The following PLCB2 variants were observed in gnomAD, a reference collection of about 807,000 sequenced individuals.
PLCB2 encodes the protein 1-phosphatidylinositol 4,5-bisphosphate phosphodiesterase beta-2.
In PLCB2, 115 loss-of-function variants were observed where a neutral mutation model predicts 141.7. The observed-to-expected ratio is 0.81, with a 90% CI of 0.70 to 0.95. PLCB2 has a LOEUF of 0.95. Ranked by LOEUF, PLCB2 falls within the 40% of genes least tolerant of loss-of-function variation. PLCB2 has a pLI of 0.00. For synonymous variants in PLCB2, 603 were observed against 595.6 expected (o/e 1.01, Z -0.18); for missense variants, 1,403 against 1,541.1 (o/e 0.91, Z 1.50).
At chr15:40,303,445 G>C in intron 2 of PLCB2, 89 bp from the exon 3 acceptor site, 1 of 913,002 alleles carries the variant, frequency 1.1e-6, no homozygotes, top group Non-Finnish European at 1.8e-6. Flanking sequence ...GGAGAAGGGA[G>C]CTTCCACACC....
chr15:40,293,496 C>A, intron 20 of PLCB2, 64 bp downstream of exon 20: 1 of 1,515,604 alleles, frequency 6.6e-7, no homozygotes, highest in South Asian at 1.1e-5. Context: ...TGTTTACTTC[C>A]TCTTGTCTGT....
chr15:40,288,724 G>A lies in PLCB2; in HGVS notation c.3549C>T (p.Ser1183=), dbSNP rs755512479. The stretch of plus-strand genomic sequence containing the variant: ...CAGTGGGATGGGGGCATCAGAGGCG[G>A]CTCTCCTGGGCATCTGCCTTTGCTA... ...PLIAKADAQE[S]RL is the part of the protein sequence containing the mutation. Residue 1183 remains serine (S), a synonymous_variant, in exon 32 of 32, where the codon AGC becomes AGT. Coordinates refer to ENST00000260402, the MANE Select transcript of PLCB2 (RefSeq NM_004573.3). 5.0e-6 allele frequency: 8 copies of A among 1,586,848 alleles called. No individual in the cohort carries two copies. The East Asian group carries it at 1.8e-4, about 36-fold the overall frequency.
chr15:40,291,473 T>C lies in PLCB2; in HGVS notation c.2662A>G (p.Ser888Gly), dbSNP rs747695805. Residue 888 changes from serine (S) to glycine (G), a missense_variant, in exon 26 of 32, where the codon AGC becomes GGC. Physicochemically the swap from Ser to Gly is moderately conservative, Grantham distance 56. Coordinates refer to ENST00000260402, the MANE Select transcript of PLCB2 (RefSeq NM_004573.3). ...MKEAAEPRTASLEELRELKGV... is the reference protein window; with the variant it reads ...MKEAAEPRTAGLEELRELKGV... ...TTTAGCTCCCGGAGCTCCTCCAGGC[T>C]GGCGGTCCGCGGCTCTGCGGAGGCC... 44 of 1,570,748 alleles carry C rather than the reference T, an allele frequency of 2.8e-5. No individual in the cohort carries two copies. The highest frequency in any genetic ancestry group is 3.1e-5 in the Non-Finnish European group (36 of 1,163,722).
chr15:40,293,594 G>A lies in PLCB2; in HGVS notation c.2192C>T (p.Pro731Leu). The change falls in exon 20 of 32, where the codon CCT (proline) becomes CTT (leucine). Residue 731 changes from proline to leucine, a missense_variant. By Grantham distance (98) the Pro-to-Leu change is moderately conservative. Coordinates refer to ENST00000260402, the MANE Select transcript of PLCB2 (RefSeq NM_004573.3). Reference protein sequence around the residue: ...KLSPSTNSINPVWKEEPFVFE... With the variant: ...KLSPSTNSINLVWKEEPFVFE... ...GACAAAGGGCTCCTCCTTCCAGACA[G>A]GATTGATGGAGTTAGTACTGGGTGA... 6.2e-7 allele frequency: 1 copy of A among 1,614,090 alleles called. No individual in the cohort carries two copies. Among genetic ancestry groups the A allele is most frequent in the Non-Finnish European group, 8.5e-7 (1 of 1,179,968 alleles).
Position 40,289,295 on chromosome 15 carries a change from G to A in PLCB2, c.3331C>T (p.Gln1111Ter). 4 of 1,614,010 alleles carry A rather than the reference G, an allele frequency of 2.5e-6. No individual in the cohort carries two copies. Among genetic ancestry groups the A allele is most frequent in the Non-Finnish European group, 2.5e-6 (3 of 1,179,880 alleles). The change falls in exon 31 of 32, where the codon CAG (glutamine) becomes TAG (stop). Residue 1111 changes from glutamine to a stop codon, truncating the protein, a stop_gained. Coordinates refer to ENST00000260402, the MANE Select transcript of PLCB2 (RefSeq NM_004573.3). LOFTEE classifies it low-confidence loss of function (END_TRUNC). ...LEEKQAACLEQIREMEKQFQK... is the reference protein window; with the variant it reads ...LEEKQAACLE ...ACCTGCTTTTCCATCTCCCGTATCTGTTCCAGGCAAGCCGCCTGCTTCTCC... is the reference window on the plus strand; with the variant it reads ...ACCTGCTTTTCCATCTCCCGTATCTATTCCAGGCAAGCCGCCTGCTTCTCC...
Position 40,292,159 on chromosome 15 carries a change from C to A in PLCB2, c.2432-1G>T. On this transcript the variant is annotated splice_acceptor_variant, in intron 22 of 31. Coordinates refer to ENST00000260402, the MANE Select transcript of PLCB2 (RefSeq NM_004573.3). LOFTEE classifies it high-confidence loss of function. ...GGGTTGGCGAGGGCCACAGTGAGAT[C>A]TGGGTGGGTGCACAGGACATTACAA... 1 of 1,613,588 alleles carries A rather than the reference C, an allele frequency of 6.2e-7. No homozygotes were observed. Among genetic ancestry groups the A allele is most frequent in the Non-Finnish European group, 8.5e-7 (1 of 1,179,558 alleles).
chr15:40,290,217 C>A (rs2039813389), intron 29 of PLCB2, 135 bp from the exon 30 acceptor site: 2 of 693,566 alleles, frequency 2.9e-6, no homozygotes, highest in African/African-American at 3.5e-5. Flanking sequence ...GGTGTGGGGA[C>A]CCAAGGAGTA....
chr15:40,293,798 G>A, intron 19 of PLCB2, 74 bp from the exon 20 acceptor site: 7 of 1,454,620 alleles, frequency 4.8e-6, no homozygotes, highest in Non-Finnish European at 5.7e-6. Context: ...GGGGCCCCTG[G>A]CTGCCTAGAG....
intron 1 of PLCB2, among the ~76,000 whole-genome samples, chr15:40,305,350 C>G (rs2040743710): frequency 6.6e-6 from 1 of 152,128 alleles, no homozygotes; most frequent in Non-Finnish European, 1.5e-5. Context: ...CCCCTTTCCC[C>G]CCACCCCACA....
Position 40,296,739 on chromosome 15 carries a change from G to C in PLCB2, c.1486+7C>G. The C allele has an allele frequency of 1.2e-6, 2 of 1,611,468 alleles. No homozygotes were observed. Among genetic ancestry groups the C allele is most frequent in the East Asian group, 2.2e-5 (1 of 44,826 alleles). On this transcript the variant is annotated splice_region_variant and intron_variant, in intron 14 of 31. Coordinates refer to ENST00000260402, the MANE Select transcript of PLCB2 (RefSeq NM_004573.3). The stretch of plus-strand genomic sequence containing the variant: ...AATACCCCCCACCATAGTCCTCCCC[G>C]ACTCACCTGTGCCCTCACCTGCAGG...
chr15:40,304,147 G>A (rs2040674995), intron 1 of PLCB2, 69 bp from the exon 2 acceptor site: 5 of 1,036,056 alleles, frequency 4.8e-6, no homozygotes, highest in Non-Finnish European at 7.4e-6. Context: ...CAGGCCAGGG[G>A]TTTCAGAGCT....
intron 30 of PLCB2, 65 bp downstream of exon 30, chr15:40,289,951 GAGAGAGAGA>G: frequency 2.3e-6 from 1 of 431,166 alleles, no homozygotes; most frequent in Non-Finnish European, 4.6e-6. Flanking sequence ...GAGAGAGAGA[GAGAGAGAGA>G]GAGAGAGAGT....
rs751421950 is a variant in PLCB2 at position 40,290,672 on chromosome 15, G to A, written c.3114C>T (p.Asn1038=). ...GCTTTTTCTTCATCTCTTTGGTGTC[G>A]CTGCAGAGAGACAGGCATGAAGGAG... ...ELKALKETSE[N]DTKEMKKKLE... The change falls in exon 29 of 32, where the codon AAC becomes AAT. Residue 1038 remains asparagine, a splice_region_variant and synonymous_variant. Transcript: ENST00000260402. 5 of 1,613,232 alleles carry A rather than the reference G, an allele frequency of 3.1e-6. No homozygotes were observed. The South Asian group carries it at 4.4e-5, about 14-fold the overall frequency.
intron 7 of PLCB2, chr15:40,301,740 G>T: frequency 1.4e-6 from 1 of 703,186 alleles, no homozygotes; most frequent in Non-Finnish European, 2.6e-6. Context: ...AGGGGATACA[G>T]ACAAACCTGC....
At chr15:40,289,186 C>G in intron 31 of PLCB2, 86 bp downstream of exon 31, 1 of 1,248,630 alleles carries the variant, frequency 8.0e-7, no homozygotes, top group Non-Finnish European at 1.2e-6. Flanking sequence ...CCCCTACCCT[C>G]TCACTGGCAG....
Position 40,297,440 on chromosome 15 carries a change from T to C in PLCB2, c.1323+81A>G. On this transcript the variant is annotated intron_variant, in intron 13 of 31. Transcript: ENST00000260402. The surrounding 1 kb of genome is among the most constrained non-coding windows in gnomAD (Gnocchi z 4.2). ...TGAACCCTAGCATCCTCTGGGAGTG[T>C]CTCCCTCCCTAACCTGGTTCTCACC... 1 of 1,028,888 alleles carries C rather than the reference T, an allele frequency of 9.7e-7. No homozygotes were observed. The highest frequency in any genetic ancestry group is 1.5e-6 in the Non-Finnish European group (1 of 648,558). The allele number at this position is 1,028,888 out of a possible 1,614,324, so 63.7% of individuals were successfully genotyped here.
intron 16 of PLCB2, among the ~76,000 whole-genome samples, chr15:40,295,715 C>T (rs1010354509): frequency 6.6e-6 from 1 of 152,122 alleles, no homozygotes; most frequent in African/African-American, 2.4e-5. Context: ...TAGTACATGC[C>T]ATGAGTGTAC....
At chr15:40,284,350 G>A (rs1043206436), downstream of PLCB2, 3 of 343,054 alleles carry the variant, frequency 8.7e-6, no homozygotes, top group African/African-American at 4.4e-5. Context: ...TTCTGGGTGC[G>A]AGACGTTCCA....
Position 40,292,046 on chromosome 15 carries a change from A to C in PLCB2, c.2526+18T>G, listed in dbSNP as rs1174127293. The C allele has an allele frequency of 5.6e-6, 9 of 1,611,108 alleles. No individual in the cohort carries two copies. Among genetic ancestry groups the C allele is most frequent in the Non-Finnish European group, 7.6e-6 (9 of 1,177,266 alleles). On this transcript the variant is annotated intron_variant, in intron 23 of 31. Transcript: ENST00000260402. Reference sequence around the variant, plus strand: ...TAATCTCTGGTGAGCCCCTGGCAGCAGTGCAGGCAACACAGACCTCAGGCA... The same window carrying C: ...TAATCTCTGGTGAGCCCCTGGCAGCCGTGCAGGCAACACAGACCTCAGGCA...
Sources: gnomAD v4.1 joint callset for allele counts (sites outside exome capture counted in the v4.1 genomes callset) on GRCh38, gnomAD v4.1.1 for gene constraint, Gnocchi (gnomAD v3.1) non-coding constraint, MANE v1.5 for transcripts, NCBI Gene and HGNC (gene_info 2026-07-23, HGNC 2026-07-21) for gene names.